The following WDR33 variants were observed in gnomAD, a reference collection of about 807,000 sequenced individuals.
The protein encoded by WDR33 is WD repeat domain 33.
A neutral mutation model predicts 164.9 loss-of-function variants in WDR33; 47 were observed. That is an observed-to-expected ratio of 0.29 (90% CI 0.23 to 0.36). The LOEUF (loss-of-function observed/expected upper bound fraction) is 0.36, where lower values mean the gene tolerates loss of function less well. Among genes scored for constraint, WDR33 ranks in the 10% least tolerant of loss-of-function variants. The pLI is 1.00. For synonymous variants in WDR33, 505 were observed against 589.0 expected, an observed-to-expected ratio of 0.86 and a Z score of 2.06; for missense variants, 1,137 against 1,754.1, an observed-to-expected ratio of 0.65 and a Z score of 6.28.
chr2:127,725,232 A>G lies in WDR33; in HGVS notation c.852-17T>C. On this transcript the variant is annotated splice_polypyrimidine_tract_variant and intron_variant, in intron 8 of 21. Transcript: ENST00000322313. ...TGGGCATGACTAGAAACAAAGTATC[A>G]AAAAAAAATGTCAGAATTCAAAACA... is the stretch of plus-strand genomic sequence containing the variant. The G allele has an allele frequency of 6.6e-7, 1 of 1,517,186 alleles. No homozygotes were observed. The highest frequency in any genetic ancestry group is 8.8e-7 in the Non-Finnish European group (1 of 1,130,668). The allele number at this position is 1,517,186 out of a possible 1,614,324, so 94.0% of individuals were successfully genotyped here. A position where few individuals can be genotyped will look rare whatever the true frequency, so the allele number is the denominator to read the frequency against.
Position 127,761,585 on chromosome 2 carries a change from T to TAAC in WDR33, c.724+1476_724+1477insGTT, listed in dbSNP as rs1206078745. Among the ~76,000 whole-genome samples, 3 of 152,256 alleles carry TAAC rather than the reference T, an allele frequency of 2.0e-5. No homozygotes were observed. In the East Asian group the frequency reaches 5.8e-4, roughly 29 times the overall value. The stretch of plus-strand genomic sequence containing the variant: ...AAAAACTTAGAAAATGTTTCACTTA[T>TAAC]TTCTGTTTAACAGCCAAGACTAATA... On this transcript the variant is annotated intron_variant, in intron 7 of 21. Transcript: ENST00000322313.
chr2:127,722,044 G>A lies in WDR33; in HGVS notation c.1519-56C>T. On this transcript the variant is annotated intron_variant, in intron 14 of 21. Transcript: ENST00000322313. The surrounding 1 kb of genome is among the most constrained non-coding windows in gnomAD (Gnocchi z 5.1). ...GCTAAGTATGAAAATTACAATGATA[G>A]AATGAGAAAACCACTCTACAATGTC... 6.3e-7 allele frequency: 1 copy of A among 1,577,802 alleles called. No homozygotes were observed. The highest frequency in any genetic ancestry group is 8.6e-7 in the Non-Finnish European group (1 of 1,165,324).
chr2:127,795,777 C>T (rs539474674), intron 1 of WDR33, among the ~76,000 whole-genome samples: 5 of 150,832 alleles, frequency 3.3e-5, no homozygotes, highest in African/African-American at 7.3e-5. Flanking sequence ...CAGGCTGCAG[C>T]GAGCTGAGAT....
chr2:127,793,511 C>G (rs1395493792), intron 1 of WDR33, among the ~76,000 whole-genome samples: 2 of 152,062 alleles, frequency 1.3e-5, no homozygotes, highest in East Asian at 3.8e-4. Flanking sequence ...GAGGCCAAGG[C>G]AGGAGGATCA....
intron 1 of WDR33, among the ~76,000 whole-genome samples, chr2:127,774,567 C>T (rs1232907696): frequency 2.0e-5 from 3 of 150,194 alleles, no homozygotes; most frequent in East Asian, 3.9e-4. Flanking sequence ...CGGCGGCTCA[C>T]GCCTGTAATC....
chr2:127,729,488 G>T (rs1686649915), intron 7 of WDR33, among the ~76,000 whole-genome samples: 1 of 151,448 alleles, frequency 6.6e-6, no homozygotes, highest in Non-Finnish European at 1.5e-5. Flanking sequence ...AACAGGGAGA[G>T]ACTATTCTTT....
At chr2:127,809,482 C>T (rs1478852908) in intron 1 of WDR33, among the ~76,000 whole-genome samples, 1 of 129,524 alleles carries the variant, frequency 7.7e-6, no homozygotes, top group Non-Finnish European at 1.5e-5. Context: ...GTTGCCCAGG[C>T]TAGAGTGCAA....
intron 7 of WDR33, among the ~76,000 whole-genome samples, chr2:127,727,039 G>C (rs1290699735): frequency 6.6e-6 from 1 of 152,076 alleles, no homozygotes; most frequent in Admixed American, 6.5e-5. Flanking sequence ...GGTCAGTCGA[G>C]GCTTTTGGAG....
Position 127,705,255 on chromosome 2 carries a change from T to C in WDR33, c.*1068A>G, listed in dbSNP as rs1322157726. On this transcript the variant is annotated 3_prime_UTR_variant, in exon 22 of 22. Coordinates refer to ENST00000322313, the MANE Select transcript of WDR33 (RefSeq NM_018383.5). The surrounding 1 kb of genome is among the most constrained non-coding windows in gnomAD (Gnocchi z 4.5). ...AGTATAGAAAGTATCATGGGGTATA[T>C]AACAAACTGAATTTTTGGCTTCCAA... The C allele has an allele frequency of 6.0e-6, 1 of 166,930 alleles. No homozygotes were observed. The highest frequency in any genetic ancestry group is 1.5e-5 in the Non-Finnish European group (1 of 68,108). The allele number at this position is 166,930 out of a possible 1,614,324, so 10.3% of individuals were successfully genotyped here.
intron 7 of WDR33, among the ~76,000 whole-genome samples, chr2:127,743,960 G>A (rs549400344): frequency 2.4e-4 from 37 of 152,308 alleles, no homozygotes; most frequent in African/African-American, 7.2e-4. Flanking sequence ...CCTCTGGGGA[G>A]AGGTAAAGGA....
chr2:127,714,927 C>A lies in WDR33; in HGVS notation c.2870-906G>T, dbSNP rs1686261919. Among the ~76,000 whole-genome samples, 1 of 152,080 alleles carries A rather than the reference C, an allele frequency of 6.6e-6. No individual in the cohort carries two copies. Among genetic ancestry groups the A allele is most frequent in the Non-Finnish European group, 1.5e-5 (1 of 68,004 alleles). ...GAAAGGATACTCTTGATTCTAAAAA[C>A]AAAAACTGTGTTTTTAAAGTGAAAT... On this transcript the variant is annotated intron_variant, in intron 17 of 21. Transcript: ENST00000322313. The surrounding 1 kb of genome is among the most constrained non-coding windows in gnomAD (Gnocchi z 4.3).
chr2:127,734,700 TATTTGTAGGG>T (rs1686796239), intron 7 of WDR33, among the ~76,000 whole-genome samples: 1 of 152,044 alleles, frequency 6.6e-6, no homozygotes, highest in South Asian at 2.1e-4. Flanking sequence ...TACTGGGGAG[TATTTGTAGGG>T]TTACATAGTG....
chr2:127,737,792 TC>T, intron 7 of WDR33: 1 of 1,305,226 alleles, frequency 7.7e-7, no homozygotes. Flanking sequence ...AAGTTCACTT[TC>T]AGTTGGCCAG....
At chr2:127,736,850 G>T in intron 7 of WDR33, 1 of 985,368 alleles carries the variant, frequency 1.0e-6, no homozygotes, top group Non-Finnish European at 1.2e-6. Context: ...TTACAATAAC[G>T]TGGGGAAGGG....
Position 127,719,570 on chromosome 2 carries a change from G to C in WDR33, c.2455C>G (p.Leu819Val), listed in dbSNP as rs1686379669. 6.2e-7 allele frequency: 1 copy of C among 1,613,950 alleles called. No homozygotes were observed. The highest frequency in any genetic ancestry group is 8.5e-7 in the Non-Finnish European group (1 of 1,179,974). The stretch of plus-strand genomic sequence containing the variant: ...ATTTCCTGAGGGCCGTGTCCCAGTA[G>C]TCCACCTGGAGGGTGAGGTCCTCTC... The part of the protein sequence containing the change: ...EMRGPHPPGG[L>V]LGHGPQEMRG... Residue 819 changes from leucine to valine, a missense_variant, in exon 16 of 22, where the codon CTA (leucine) becomes GTA (valine). Around this residue, in one of 9 missense-constraint regions of WDR33, gnomAD observed 867 missense variants for 1,073.0 expected, o/e 0.81. Transcript: ENST00000322313. This position sits in a 1 kb window ranked among gnomAD's most constrained non-coding sequence, Gnocchi z 6.5.
rs1039486765 is a variant in WDR33, at chr2:127,750,366, G to T, written c.724+12696C>A. On this transcript the variant is annotated intron_variant, in intron 7 of 21. Coordinates refer to ENST00000322313, the MANE Select transcript of WDR33 (RefSeq NM_018383.5). The stretch of plus-strand genomic sequence containing the variant: ...TTTTGAGTCAAAAATATAAGGGAAG[G>T]CCAGGCACAGTAGCTCACACCAGTA... Among the ~76,000 whole-genome samples the T allele has an allele frequency of 2.0e-5, 3 of 151,694 alleles. No homozygotes were observed. The East Asian group carries it at 5.9e-4, about 30-fold the overall frequency.
At chr2:127,782,289 T>C (rs533546712) in intron 1 of WDR33, among the ~76,000 whole-genome samples, 139 of 151,928 alleles carry the variant, frequency 9.1e-4, no homozygotes, top group African/African-American at 3.3e-3. Flanking sequence ...ACATCTGTAA[T>C]ATCAGCTACT....
At chr2:127,711,772 A>AT (rs1419760091) in intron 18 of WDR33, among the ~76,000 whole-genome samples, 1 of 87,742 alleles carries the variant, frequency 1.1e-5, no homozygotes, top group Non-Finnish European at 2.1e-5. Context: ...ATATATATAT[A>AT]TATATATATT....
At chr2:127,758,796 TC>T (rs1370802415) in intron 7 of WDR33, among the ~76,000 whole-genome samples, 6 of 152,146 alleles carry the variant, frequency 3.9e-5, no homozygotes, top group Non-Finnish European at 8.8e-5. Context: ...CACACAGCTC[TC>T]CCCCCTTATT....
Sources: gnomAD v4.1 joint callset for allele counts (sites outside exome capture counted in the v4.1 genomes callset) on GRCh38, gnomAD v4.1.1 for gene constraint, gnomAD v4.1.1 regional missense constraint, Gnocchi (gnomAD v3.1) non-coding constraint, MANE v1.5 for transcripts, NCBI Gene and HGNC (gene_info 2026-07-23, HGNC 2026-07-21) for gene names.